The following HSPA4 variants were observed in gnomAD, a reference collection of about 807,000 sequenced individuals.
The protein encoded by HSPA4 is heat shock protein family A (Hsp70) member 4.
A neutral mutation model predicts 106.2 loss-of-function variants in HSPA4; 25 were observed. That is an observed-to-expected ratio of 0.24 (90% CI 0.17 to 0.33). The LOEUF (loss-of-function observed/expected upper bound fraction) is 0.33, where lower values mean the gene tolerates loss of function less well. Among genes scored for constraint, HSPA4 ranks in the 10% least tolerant of loss-of-function variants. HSPA4 has a pLI of 1.00. For missense variants in HSPA4, 841 were observed against 996.0 expected, an observed-to-expected ratio of 0.84 and a Z score of 2.10; for synonymous variants, 332 against 333.6, an observed-to-expected ratio of 1.00 and a Z score of 0.05.
At chr5:133,068,812 G>A (rs1295228938) in intron 3 of HSPA4, among the ~76,000 whole-genome samples, 1 of 152,168 alleles carries the variant, frequency 6.6e-6, no homozygotes, top group African/African-American at 2.4e-5. Context: ...CATAAGCATT[G>A]CAAGAAGCAA....
In HSPA4 at chr5:133,070,510, C is replaced by T; in HGVS notation, c.429+14C>T. On this transcript the variant is annotated intron_variant, in intron 4 of 18. Coordinates refer to ENST00000304858, the MANE Select transcript of HSPA4 (RefSeq NM_002154.4). ...TGTGTTGTTTCGGTGAGTTTGATCC[C>T]TATACATTATTGGGAATTTGCATGA... 2 of 1,612,394 alleles carry T rather than the reference C, an allele frequency of 1.2e-6. No individual in the cohort carries two copies. The highest frequency in any genetic ancestry group is 1.7e-6 in the Non-Finnish European group (2 of 1,179,204).
Position 133,052,163 on chromosome 5 carries a change from C to T in HSPA4, c.-88C>T, listed in dbSNP as rs1332301278. ...CCCTCAGTAGCCTCGGCCCAAGAGG[C>T]CTGCTTTCCACTCGCTAGCCCCGCC... On this transcript the variant is annotated 5_prime_UTR_variant, in exon 1 of 19. Coordinates refer to ENST00000304858, the MANE Select transcript of HSPA4 (RefSeq NM_002154.4). The T allele has an allele frequency of 4.5e-6, 4 of 888,630 alleles. No individual in the cohort carries two copies. Among genetic ancestry groups the T allele is most frequent in the Non-Finnish European group, 7.0e-6 (4 of 567,820 alleles). The allele number at this position is 888,630 out of a possible 1,614,324, so 55.0% of individuals were successfully genotyped here.
intron 15 of HSPA4, 109 bp from the exon 16 acceptor site, chr5:133,099,436 C>T (rs886648807): frequency 1.7e-4 from 83 of 500,276 alleles, no homozygotes; most frequent in Admixed American, 2.9e-4. Context: ...CCTGGCTGCC[C>T]TCTGTATTTT....
intron 2 of HSPA4, 132 bp from the exon 3 acceptor site, chr5:133,067,285 A>T: frequency 1.4e-6 from 1 of 702,694 alleles, no homozygotes; most frequent in Non-Finnish European, 2.3e-6. Flanking sequence ...AGAAAAGTTT[A>T]GGGTCTGAAG....
intron 6 of HSPA4, among the ~76,000 whole-genome samples, chr5:133,074,435 C>T (rs1173702473): frequency 2.0e-5 from 3 of 152,084 alleles, no homozygotes; most frequent in Non-Finnish European, 4.4e-5. Context: ...TGTGCCACCA[C>T]GCCCGGCTAA....
At chr5:133,103,267 T>C (rs67095474) in intron 17 of HSPA4, among the ~76,000 whole-genome samples, 9,102 of 151,958 alleles carry the variant, frequency 0.06, 771 homozygotes, top group East Asian at 0.3. Context: ...CATTGTGTTG[T>C]CCAGGTCTTG....
At chr5:133,092,406 T>G (rs2126712616) in intron 12 of HSPA4, among the ~76,000 whole-genome samples, 1 of 152,320 alleles carries the variant, frequency 6.6e-6, no homozygotes, top group South Asian at 2.1e-4. Context: ...TATTAAATGA[T>G]GCCACATTGT....
chr5:133,104,379 A>T lies in HSPA4; in HGVS notation c.2466A>T (p.Thr822=). The T allele has an allele frequency of 1.2e-6, 2 of 1,614,222 alleles. No individual in the cohort carries two copies. The highest frequency in any genetic ancestry group is 1.7e-6 in the Non-Finnish European group (2 of 1,180,038). Residue 822 remains threonine, a synonymous_variant, in exon 19 of 19, where the codon ACA becomes ACT. Coordinates refer to ENST00000304858, the MANE Select transcript of HSPA4 (RefSeq NM_002154.4). ...GCCCCCAGGCTGCTGAGCAGGGTAC[A>T]GACACAGCTGTGCCTTCGGATTCAG... The part of the protein sequence containing the change: ...NPGPQAAEQG[T]DTAVPSDSDK...
intron 17 of HSPA4, among the ~76,000 whole-genome samples, chr5:133,103,557 A>AT (rs1765816995): frequency 6.6e-6 from 1 of 152,036 alleles, no homozygotes; most frequent in African/African-American, 2.4e-5. Context: ...ATCTAATGTA[A>AT]TTTTTTTGCA....
At chr5:133,067,099 T>C (rs999538536) in intron 2 of HSPA4, among the ~76,000 whole-genome samples, 3 of 152,218 alleles carry the variant, frequency 2.0e-5, no homozygotes, top group African/African-American at 7.2e-5. Context: ...TTTTAAAGGC[T>C]AAAAGTTATT....
rs769795778 is a variant in HSPA4 at position 133,103,980 on chromosome 5, C to T, written c.2273C>T (p.Thr758Ile). Residue 758 changes from threonine (T) to isoleucine (I), a missense_variant, in exon 18 of 19, where the codon ACC becomes ATC. Around this residue, in one of 5 missense-constraint regions of HSPA4, gnomAD observed 328 missense variants for 372.2 expected, o/e 0.88. Transcript: ENST00000304858. ...AATCTGCAGAACAAGCAGAGTTTGACCATGGATCCAGTTGTCAAGTCAAAA... is the reference window on the plus strand; with the variant it reads ...AATCTGCAGAACAAGCAGAGTTTGATCATGGATCCAGTTGTCAAGTCAAAA... Reference protein sequence around the residue: ...KLNLQNKQSLTMDPVVKSKEI... With the variant: ...KLNLQNKQSLIMDPVVKSKEI... 2 of 1,613,706 alleles carry T rather than the reference C, an allele frequency of 1.2e-6. No individual in the cohort carries two copies. The highest frequency in any genetic ancestry group is 8.5e-7 in the Non-Finnish European group (1 of 1,179,868).
intron 10 of HSPA4, 89 bp from the exon 11 acceptor site, chr5:133,089,473 C>T (rs761548785): frequency 3.5e-6 from 4 of 1,144,884 alleles, no homozygotes; most frequent in Non-Finnish European, 5.0e-6. Context: ...GAGAAACTAA[C>T]ACTGTACAAT....
chr5:133,053,377 G>C (rs1444002136), intron 1 of HSPA4, among the ~76,000 whole-genome samples: 6 of 134,954 alleles, frequency 4.4e-5, no homozygotes, highest in Non-Finnish European at 9.2e-5. Context: ...GTCTCACTCT[G>C]GCTGCCCAGG....
At chr5:133,060,815 ACTT>A (rs1765232204) in intron 1 of HSPA4, among the ~76,000 whole-genome samples, 2 of 103,078 alleles carry the variant, frequency 1.9e-5, no homozygotes, top group Admixed American at 1.8e-4. Flanking sequence ...GTGAAACAGG[ACTT>A]TTTTTTTTTT....
chr5:133,094,126 A>T (rs1194373129), intron 13 of HSPA4, among the ~76,000 whole-genome samples: 1 of 152,212 alleles, frequency 6.6e-6, no homozygotes, highest in East Asian at 1.9e-4. Context: ...TAATGGATTT[A>T]AATATATTTT....
intron 7 of HSPA4, among the ~76,000 whole-genome samples, chr5:133,083,148 A>G (rs1765535506): frequency 6.6e-6 from 1 of 150,612 alleles, no homozygotes; most frequent in Non-Finnish European, 1.5e-5. Context: ...AAAATACAAA[A>G]AAAAAAAAAA....
chr5:133,088,681 T>C (rs1408881716), intron 9 of HSPA4, 126 bp downstream of exon 9: 1 of 734,088 alleles, frequency 1.4e-6, no homozygotes, highest in East Asian at 2.6e-5. Context: ...CCAAAACCTT[T>C]GTTTTAAAAT....
chr5:133,099,784 AT>A (rs1433673242), intron 16 of HSPA4, 132 bp downstream of exon 16: 11 of 476,860 alleles, frequency 2.3e-5, no homozygotes, highest in Non-Finnish European at 3.5e-5. Context: ...TAAACCCTTT[AT>A]GACTTAGGCT....
rs1157762827 is a variant in HSPA4 at position 133,058,452 on chromosome 5, C to CCCACTTCAGGT, written c.107+6095_107+6096insCCACTTCAGGT. On this transcript the variant is annotated intron_variant, in intron 1 of 18. Coordinates refer to ENST00000304858, the MANE Select transcript of HSPA4 (RefSeq NM_002154.4). ...CAGCACTTGAAGAGGCTGAGGTGGG[C>CCCACTTCAGGT]GGGTCGCCTGAAGTCAGGAGTTTGA... is the stretch of plus-strand genomic sequence containing the variant. Among the ~76,000 whole-genome samples, 8 of 152,092 alleles carry CCCACTTCAGGT rather than the reference C, an allele frequency of 5.3e-5. No individual in the cohort carries two copies. The East Asian group carries it at 1.5e-3, about 29-fold the overall frequency.
Sources: allele counts gnomAD v4.1 joint callset (sites outside exome capture counted in the v4.1 genomes callset), GRCh38; gene constraint gnomAD v4.1.1; regional missense constraint gnomAD v4.1.1; transcripts MANE v1.5; gene names NCBI Gene and HGNC (gene_info 2026-07-23, HGNC 2026-07-21).